The following RIPOR2 variants were observed in gnomAD, a reference collection of about 807,000 sequenced individuals.
RIPOR2 encodes RHO family interacting cell polarization regulator 2, also known as rho family-interacting cell polarization regulator 2.
RIPOR2 carries 39 observed loss-of-function variants against 114.5 expected under a neutral mutation model. That is an observed-to-expected ratio of 0.34 (90% confidence interval 0.26 to 0.44). RIPOR2 has a LOEUF of 0.44. Among genes scored for constraint, RIPOR2 ranks in the 20% least tolerant of loss-of-function variants. RIPOR2 has a pLI of 1.00. For synonymous variants in RIPOR2, 445 were observed against 484.4 expected, an observed-to-expected ratio of 0.92 and a Z score of 1.07; for missense variants, 1,007 against 1,255.1, an observed-to-expected ratio of 0.80 and a Z score of 2.99.
At chr6:24,871,991 C>A (rs1765225622) in intron 4 of RIPOR2, among the ~76,000 whole-genome samples, 1 of 152,104 alleles carries the variant, frequency 6.6e-6, no homozygotes, top group African/African-American at 2.4e-5. Context: ...AATCTCTAAG[C>A]CTTTGAAAAG....
chr6:24,935,317 C>CAAA (rs1249173537), intron 1 of RIPOR2, among the ~76,000 whole-genome samples: 28 of 79,716 alleles, frequency 3.5e-4, no homozygotes, highest in South Asian at 7.7e-4. Context: ...CAAAAAACAA[C>CAAA]AACAAAAAAA....
chr6:24,888,333 T>C (rs1767017425), intron 1 of RIPOR2, among the ~76,000 whole-genome samples: 1 of 152,230 alleles, frequency 6.6e-6, no homozygotes, highest in Non-Finnish European at 1.5e-5. Flanking sequence ...CTGTTTTCCC[T>C]AGAGCTTGGC....
chr6:24,937,594 ATGTGGACTAAAGCTCTCTTT>A (rs1771887028), upstream of RIPOR2, among the ~76,000 whole-genome samples: 1 of 152,164 alleles, frequency 6.6e-6, no homozygotes, highest in African/African-American at 2.4e-5. Context: ...GGAAATTTGG[ATGTGGACTAAAGCTCTCTTT>A]TGTGTGGTTG....
chr6:24,851,381 C>T (rs1390687188), intron 9 of RIPOR2, among the ~76,000 whole-genome samples: 1 of 152,198 alleles, frequency 6.6e-6, no homozygotes, highest in Non-Finnish European at 1.5e-5. Flanking sequence ...GAAGTATCAG[C>T]TAAAACCCCC....
chr6:24,856,498 T>TA (rs1221748486), intron 8 of RIPOR2, among the ~76,000 whole-genome samples: 1 of 152,204 alleles, frequency 6.6e-6, no homozygotes, highest in East Asian at 1.9e-4. Context: ...CTCACACCTG[T>TA]AATCCCAGTA....
chr6:24,834,016 G>C (rs1421770333), intron 15 of RIPOR2, among the ~76,000 whole-genome samples: 1 of 152,064 alleles, frequency 6.6e-6, no homozygotes, highest in African/African-American at 2.4e-5. Flanking sequence ...ACAAAGAGCT[G>C]TCTCGTTCAA....
At chr6:25,024,265 T>G in intron 1 of RIPOR2, 1 of 1,542,722 alleles carries the variant, frequency 6.5e-7, no homozygotes, top group Non-Finnish European at 8.9e-7. Flanking sequence ...GCCGGCCAGA[T>G]GAACTCTTCC....
At chr6:24,976,702 A>T in intron 1 of RIPOR2, 1 of 1,608,744 alleles carries the variant, frequency 6.2e-7, no homozygotes, top group Non-Finnish European at 8.5e-7. Context: ...CCATAATGGC[A>T]CTGGTGGCAA....
At chr6:25,027,220 G>A (rs1387004879) in intron 1 of RIPOR2, among the ~76,000 whole-genome samples, 6 of 152,116 alleles carry the variant, frequency 3.9e-5, no homozygotes, top group African/African-American at 1.2e-4. Flanking sequence ...TAATGCAAAC[G>A]ACAATCGCGT....
chr6:24,820,748 A>G (rs946968861), intron 19 of RIPOR2, among the ~76,000 whole-genome samples: 1 of 151,644 alleles, frequency 6.6e-6, no homozygotes, highest in Non-Finnish European at 1.5e-5. Context: ...GCTAGACCAC[A>G]TTTTATTTAT....
At chr6:24,949,342 C>T (rs1229979310) in intron 1 of RIPOR2, among the ~76,000 whole-genome samples, 1 of 152,180 alleles carries the variant, frequency 6.6e-6, no homozygotes, top group Non-Finnish European at 1.5e-5. Context: ...ATGAAAGTAT[C>T]ACGAGGTTGA....
intron 1 of RIPOR2, chr6:24,877,402 G>C: frequency 1.0e-6 from 1 of 972,316 alleles, no homozygotes; most frequent in Non-Finnish European, 1.2e-6. Flanking sequence ...CAATCGGCTT[G>C]CTCTTTCATC....
Position 24,828,277 on chromosome 6 carries a change from G to A in RIPOR2, c.2525C>T (p.Ser842Phe), listed in dbSNP as rs887249813. ...LADPVFRTLV[S>F]QILDRAEPLL... ...AGGCTCAGCCCGGTCCAGAATTTGG[G>A]ACACCAGGGTTCGAAACACTATTCG... Residue 842 changes from serine (S) to phenylalanine (F), a missense_variant, in exon 18 of 22, where the codon TCC becomes TTC. Ser to Phe is a radical substitution (Grantham distance 155). Coordinates refer to ENST00000643898, the MANE Select transcript of RIPOR2 (RefSeq NM_001286445.3). 3.2e-6 allele frequency: 5 copies of A among 1,547,870 alleles called. No homozygotes were observed. Among genetic ancestry groups the A allele is most frequent in the Non-Finnish European group, 4.4e-6 (5 of 1,144,944 alleles).
chr6:24,964,147 CTG>C (rs70974955), intron 1 of RIPOR2, among the ~76,000 whole-genome samples: 5,068 of 146,650 alleles, frequency 0.035, 155 homozygotes, highest in African/African-American at 0.087. Flanking sequence ...GACATTGGCT[CTG>C]TGTGTGTGTG....
chr6:24,839,228 G>A lies in RIPOR2; in HGVS notation c.1902C>T (p.Leu634=). Residue 634 remains leucine, a synonymous_variant, in exon 14 of 22, where the codon CTC becomes CTT. Transcript: ENST00000643898. ...VSRSRSSSLS[L]TVESALESFD... Reference sequence around the variant, plus strand: ...AGCTTTCTAAAGCACTTTCAACTGTGAGACTTAAACTGGAAGACCTGCTGC... The same window carrying A: ...AGCTTTCTAAAGCACTTTCAACTGTAAGACTTAAACTGGAAGACCTGCTGC... 6.4e-7 allele frequency: 1 copy of A among 1,551,904 alleles called. No individual in the cohort carries two copies. Among genetic ancestry groups the A allele is most frequent in the South Asian group, 1.2e-5 (1 of 84,064 alleles).
Position 24,857,583 on chromosome 6 carries a change from A to G in RIPOR2, c.715+3390T>C, listed in dbSNP as rs1335292122. Among the ~76,000 whole-genome samples the G allele has an allele frequency of 2.6e-5, 4 of 152,090 alleles. No homozygotes were observed. In the East Asian group the frequency reaches 7.7e-4, roughly 29 times the overall value. On this transcript the variant is annotated intron_variant, in intron 8 of 21. Transcript: ENST00000643898. ...AGTTCTATGATGATCTTTCCTTCCA[A>G]GAGTCACACTTCCTACTTTAAGACA...
At position 25,021,167 on chromosome 6, in the gene RIPOR2, C is replaced by T. The variant is rs1776301297; in HGVS notation, c.76+20684G>A. The stretch of plus-strand genomic sequence containing the variant: ...AGCCACTGCATCCAGCTAGTTTAAT[C>T]TTTATTTCCTTTGCATATAGGACAG... On this transcript the variant is annotated intron_variant, in intron 1 of 13. Transcript: ENST00000510784. 2.0e-5 allele frequency among the ~76,000 whole-genome samples: 3 copies of T among 152,262 alleles called. 1 individual carries two copies. In the South Asian group the frequency reaches 6.2e-4, roughly 32 times the overall value.
intron 1 of RIPOR2, among the ~76,000 whole-genome samples, chr6:24,949,101 A>G (rs1329865845): frequency 6.6e-6 from 1 of 151,946 alleles, no homozygotes; most frequent in East Asian, 1.9e-4. Context: ...TCTTAGAACC[A>G]TATCTGGTGT....
chr6:24,873,140 T>C (rs1240792760), intron 3 of RIPOR2, among the ~76,000 whole-genome samples, 181 bp from the exon 4 acceptor site: 1 of 152,216 alleles, frequency 6.6e-6, no homozygotes, highest in Non-Finnish European at 1.5e-5. Flanking sequence ...TGGCACTGGA[T>C]ACTATCCAGC....
Sources: allele counts gnomAD v4.1 joint callset (sites outside exome capture counted in the v4.1 genomes callset), GRCh38; gene constraint gnomAD v4.1.1; transcripts MANE v1.5; gene names NCBI Gene and HGNC (gene_info 2026-07-23, HGNC 2026-07-21).